RNFT1: variants seen among roughly 807,000 people sequenced by gnomAD.
RNFT1 encodes the protein E3 ubiquitin-protein ligase RNFT1.
RNFT1 carries 35 observed loss-of-function variants against 53.2 expected under a neutral mutation model. That is an observed-to-expected ratio of 0.66 (90% CI 0.50 to 0.87). RNFT1 has a LOEUF of 0.87. Among genes scored for constraint, RNFT1 ranks in the 40% least tolerant of loss-of-function variants. RNFT1 has a pLI of 0.00. For missense variants in RNFT1, 421 were observed against 515.0 expected (o/e 0.82, Z 1.77); for synonymous variants, 141 against 172.8 (o/e 0.82, Z 1.44).
Position 59,957,237 on chromosome 17 carries a change from T to G in RNFT1, c.992A>C (p.Tyr331Ser), listed in dbSNP as rs369331866. 4 of 1,612,636 alleles carry G rather than the reference T, an allele frequency of 2.5e-6. No individual in the cohort carries two copies. In the African/African-American group the frequency reaches 5.3e-5, roughly 22 times the overall value. Residue 331 changes from tyrosine to serine, a missense_variant, in exon 6 of 9, where the codon TAC (tyrosine) becomes TCC (serine). Physicochemically the swap from Tyr to Ser is moderately radical, Grantham distance 144 (BLOSUM62 -2). Transcript: ENST00000305783. ...WSLGILLALLYLILKLLEFFG... is the reference protein window; with the variant it reads ...WSLGILLALLSLILKLLEFFG... ...AATGTTACCTACTTTTAATATGAGGTAGAGTAAAGCCAGCAGTATCCCAAG... is the reference window on the plus strand; with the variant it reads ...AATGTTACCTACTTTTAATATGAGGGAGAGTAAAGCCAGCAGTATCCCAAG...
At chr17:59,953,710 C>G (rs1598862193) in intron 8 of RNFT1, among the ~76,000 whole-genome samples, 2 of 152,148 alleles carry the variant, frequency 1.3e-5, no homozygotes, top group East Asian at 3.8e-4. Context: ...TTACTAGTAA[C>G]TGCCATAAAG....
chr17:59,958,056 G>A (rs2145116898), intron 5 of RNFT1, among the ~76,000 whole-genome samples: 1 of 152,294 alleles, frequency 6.6e-6, no homozygotes, highest in Non-Finnish European at 1.5e-5. Flanking sequence ...CACATATGAT[G>A]TGGGGACTGA....
intron 8 of RNFT1, 95 bp from the exon 9 acceptor site, chr17:59,953,206 T>C: frequency 1.3e-6 from 1 of 799,518 alleles, no homozygotes; most frequent in East Asian, 3.1e-5. Flanking sequence ...TTTTTTTTTT[T>C]GAGATGGAGA....
chr17:59,956,459 G>GT (rs1568542701), intron 7 of RNFT1, 29 bp downstream of exon 7: 8 of 1,547,174 alleles, frequency 5.2e-6, no homozygotes, highest in African/African-American at 4.1e-5. Context: ...AGGTGAAGGT[G>GT]TTTTTCTTAA....
At chr17:59,960,871 C>T (rs1372765422) in intron 3 of RNFT1, among the ~76,000 whole-genome samples, 1 of 151,954 alleles carries the variant, frequency 6.6e-6, no homozygotes, top group Admixed American at 6.6e-5. Flanking sequence ...AACCTTGACT[C>T]ACTTGTCAAG....
chr17:59,953,418 C>T (rs1187489568), intron 8 of RNFT1, among the ~76,000 whole-genome samples: 2 of 152,170 alleles, frequency 1.3e-5, no homozygotes, highest in Admixed American at 6.5e-5. Flanking sequence ...TCAGGCTGGT[C>T]TTGAACTCCT....
chr17:59,954,055 A>C lies in RNFT1; in HGVS notation c.1163T>G (p.Leu388Arg). 2 of 1,571,816 alleles carry C rather than the reference A, an allele frequency of 1.3e-6. No individual in the cohort carries two copies. The highest frequency in any genetic ancestry group is 1.7e-6 in the Non-Finnish European group (2 of 1,157,000). The change falls in exon 8 of 9, where the codon CTC becomes CGC. Residue 388 changes from leucine (L) to arginine (R), a missense_variant. Physicochemically the swap from Leu to Arg is moderately radical, Grantham distance 102. Transcript: ENST00000305783. The stretch of plus-strand genomic sequence containing the variant: ...TAAAAATGTAATTACCTGACAAATG[A>C]GAAGAATTGGCTTCTGAAATTCAGC... ...CQAEFQKPIL[L>R]ICQHIFCEEC...
chr17:59,956,998 C>T (rs759952186), intron 6 of RNFT1, among the ~76,000 whole-genome samples: 62 of 152,140 alleles, frequency 4.1e-4, no homozygotes, highest in Admixed American at 1.3e-3. Flanking sequence ...AGATAATCCA[C>T]GCTATGTGAA....
rs1385420001 is a variant in RNFT1 at position 59,958,275 on chromosome 17, TAAGTG to T, written c.846+11_846+15del. 1.3e-6 allele frequency: 2 copies of T among 1,581,092 alleles called. No homozygotes were observed. Among genetic ancestry groups the T allele is most frequent in the Non-Finnish European group, 1.7e-6 (2 of 1,171,586 alleles). On this transcript the variant is annotated intron_variant, in intron 5 of 8. Coordinates refer to ENST00000305783, the MANE Select transcript of RNFT1 (RefSeq NM_016125.4). The stretch of plus-strand genomic sequence containing the variant: ...TCGATAACATCACTCCAATAAAGCA[TAAGTG>T]AGTTTCTTACCTTAGATTTAAAAGG...
At position 59,963,242 on chromosome 17, in the gene RNFT1, CTTT is replaced by C. The variant is rs1420497687; in HGVS notation, c.96_98del (p.Lys33del). Reference sequence around the variant, plus strand: ...GATTGGCTTGCATGGCCCTTAAATACTTTTTCTCTGACCCAGATGTCTTTGCTT... The same window carrying C: ...GATTGGCTTGCATGGCCCTTAAATACTTCTCTGACCCAGATGTCTTTGCTT... On this transcript the variant is annotated inframe_deletion, in exon 2 of 9. Coordinates refer to ENST00000305783, the MANE Select transcript of RNFT1 (RefSeq NM_016125.4). The C allele has an allele frequency of 6.2e-7, 1 of 1,613,044 alleles. No individual in the cohort carries two copies. Among genetic ancestry groups the C allele is most frequent in the East Asian group, 2.2e-5 (1 of 44,872 alleles).
Position 59,952,973 on chromosome 17 carries a change from C to T in RNFT1, c.*4G>A, listed in dbSNP as rs1174457965. ...TATTTTGTGGCCTTGATAGTTTATA[C>T]AACTTAATATATTTGAAGGTGTGAT... On this transcript the variant is annotated 3_prime_UTR_variant, in exon 9 of 9. Transcript: ENST00000305783. 6.2e-7 allele frequency: 1 copy of T among 1,611,348 alleles called. No individual in the cohort carries two copies. The highest frequency in any genetic ancestry group is 8.5e-7 in the Non-Finnish European group (1 of 1,179,224).
At chr17:59,961,882 C>CT (rs71370154) in intron 3 of RNFT1, among the ~76,000 whole-genome samples, 57,798 of 91,476 alleles carry the variant, frequency 0.63, 19,824 homozygotes, top group African/African-American at 0.66. Context: ...TGGCCCAGGT[C>CT]TTTTTTTTTT....
At chr17:59,964,486 C>A in intron 1 of RNFT1, 122 bp downstream of exon 1, 1 of 788,436 alleles carries the variant, frequency 1.3e-6, no homozygotes, top group Admixed American at 3.1e-5. Context: ...ACAACTCTTC[C>A]GGAATCTCCG....
At chr17:59,961,733 C>T (rs1329088061) in intron 3 of RNFT1, among the ~76,000 whole-genome samples, 6 of 151,978 alleles carry the variant, frequency 3.9e-5, no homozygotes, top group African/African-American at 7.3e-5. Flanking sequence ...AGCGCCACCA[C>T]GCCCAGCTAA....
Position 59,963,288 on chromosome 17 carries a change from A to G in RNFT1, c.57-4T>C, listed in dbSNP as rs1216024726. On this transcript the variant is annotated splice_region_variant and splice_polypyrimidine_tract_variant and intron_variant, in intron 1 of 8. Transcript: ENST00000305783. ...CTTTGCTTCAGGCCTCTGTCTCCTAAAAAATCAAATAAAAGATATTCTAAG... is the reference window on the plus strand; with the variant it reads ...CTTTGCTTCAGGCCTCTGTCTCCTAGAAAATCAAATAAAAGATATTCTAAG... 1.3e-6 allele frequency: 2 copies of G among 1,596,642 alleles called. No homozygotes were observed. Among genetic ancestry groups the G allele is most frequent in the Non-Finnish European group, 1.7e-6 (2 of 1,171,604 alleles).
chr17:59,956,280 T>C (rs2045253646), intron 7 of RNFT1, among the ~76,000 whole-genome samples: 1 of 152,140 alleles, frequency 6.6e-6, no homozygotes, highest in African/African-American at 2.4e-5. Flanking sequence ...TAGCAGGTGG[T>C]TGTCAATGTG....
intron 5 of RNFT1, among the ~76,000 whole-genome samples, chr17:59,957,759 T>C (rs2145116671): frequency 6.6e-6 from 1 of 152,166 alleles, no homozygotes; most frequent in East Asian, 1.9e-4. Flanking sequence ...GCAGGAGAAC[T>C]GCCTGAACCC....
intron 5 of RNFT1, among the ~76,000 whole-genome samples, chr17:59,957,912 T>C (rs573153225): frequency 6.6e-6 from 1 of 152,234 alleles, no homozygotes; most frequent in African/African-American, 2.4e-5. Context: ...GTAAAACCTA[T>C]GTGAGTATGT....
At chr17:59,962,024 T>C (rs1302036671) in intron 3 of RNFT1, among the ~76,000 whole-genome samples, 1 of 151,176 alleles carries the variant, frequency 6.6e-6, no homozygotes, top group East Asian at 2.0e-4. Flanking sequence ...TAGCTGGGAA[T>C]ACAGGCACAT....
Sources: allele counts gnomAD v4.1 joint callset (sites outside exome capture counted in the v4.1 genomes callset), GRCh38; gene constraint gnomAD v4.1.1; transcripts MANE v1.5; gene names NCBI Gene and HGNC (gene_info 2026-07-23, HGNC 2026-07-21).